Variants in TSHZ2 observed in about 807,000 individuals in gnomAD.
The protein encoded by TSHZ2 is teashirt zinc finger homeobox 2.
TSHZ2 carries 21 observed loss-of-function variants against 74.4 expected under a neutral mutation model. That is an observed-to-expected ratio of 0.28 (90% CI 0.20 to 0.41). The LOEUF is 0.41. Among genes scored for constraint, TSHZ2 ranks in the 10% least tolerant of loss-of-function variants. The probability of loss-of-function intolerance (pLI) is 1.00; values close to 1 mark genes in which losing one functional copy is unlikely to be tolerated. For missense variants in TSHZ2, 1,244 were observed against 1,293.5 expected (o/e 0.96, Z 0.59); for synonymous variants, 540 against 515.3 (o/e 1.05, Z -0.65).
At chr20:53,446,939 C>A (rs1984575504) in intron 2 of TSHZ2, among the ~76,000 whole-genome samples, 1 of 152,182 alleles carries the variant, frequency 6.6e-6, no homozygotes, top group Non-Finnish European at 1.5e-5. Context: ...CCTTCCTCCC[C>A]TCTAGGGCTG....
At chr20:53,264,093 C>T (rs923858537) in intron 2 of TSHZ2, among the ~76,000 whole-genome samples, 50 of 152,330 alleles carry the variant, frequency 3.3e-4, no homozygotes, top group African/African-American at 1.2e-3. Flanking sequence ...TGCCTTAGGG[C>T]ACAATACTCA....
In TSHZ2 at chr20:53,489,930, C is replaced by T. The variant is rs1600677430; in HGVS notation, c.*2795C>T. 6.6e-6 allele frequency: 1 copy of T among 152,228 alleles called. No individual in the cohort carries two copies. Among genetic ancestry groups the T allele is most frequent in the African/African-American group, 2.4e-5 (1 of 41,462 alleles). The allele number at this position is 152,228 out of a possible 1,614,324, so 9.4% of individuals were successfully genotyped here. ...AAATAACATAAACTCAGGAGAATGTCTTTACCCACCTTCATACCACTGCTT... is the reference window on the plus strand; with the variant it reads ...AAATAACATAAACTCAGGAGAATGTTTTTACCCACCTTCATACCACTGCTT... On this transcript the variant is annotated 3_prime_UTR_variant, in exon 3 of 3. Transcript: ENST00000371497.
At chr20:53,229,279 T>A (rs1047344898) in intron 1 of TSHZ2, among the ~76,000 whole-genome samples, 4 of 151,742 alleles carry the variant, frequency 2.6e-5, no homozygotes, top group African/African-American at 9.7e-5. Context: ...GTACGTCACC[T>A]TTGCCCTGGG....
chr20:53,255,928 G>A lies in TSHZ2; in HGVS notation c.2470G>A (p.Asp824Asn), dbSNP rs1423632209. 7 of 1,614,160 alleles carry A rather than the reference G, an allele frequency of 4.3e-6. No homozygotes were observed. The highest frequency in any genetic ancestry group is 3.3e-5 in the South Asian group (3 of 91,080). ...SRVPPMKLEM[D>N]VRRFEDVSSE... ...GGTCCCCCCCATGAAGCTGGAAATG[G>A]ATGTCAGGCGCTTTGAGGATGTCTC... Residue 824 changes from aspartate (D) to asparagine (N), a missense_variant, in exon 2 of 3, where the codon GAT (aspartate) becomes AAT (asparagine). Around this residue, in one of 6 missense-constraint regions of TSHZ2, gnomAD observed 562 missense variants for 544.0 expected, o/e 1.03. Transcript: ENST00000371497. The surrounding 1 kb of genome is among the most constrained non-coding windows in gnomAD (Gnocchi z 4.1).
At chr20:53,044,625 A>G (rs931315452) in intron 1 of TSHZ2, among the ~76,000 whole-genome samples, 2 of 152,186 alleles carry the variant, frequency 1.3e-5, no homozygotes, top group African/African-American at 4.8e-5. Context: ...CTGAAGTGTA[A>G]GTCACAGAGT....
intron 1 of TSHZ2, among the ~76,000 whole-genome samples, chr20:53,239,792 A>T (rs1366222713): frequency 6.6e-6 from 1 of 152,224 alleles, no homozygotes; most frequent in Non-Finnish European, 1.5e-5. Flanking sequence ...GGACTGAAGA[A>T]TATATACACC....
chr20:53,284,135 G>A (rs570344225), intron 2 of TSHZ2, among the ~76,000 whole-genome samples: 26 of 152,236 alleles, frequency 1.7e-4, no homozygotes, highest in African/African-American at 6.0e-4. Flanking sequence ...TTACCGCCTC[G>A]AACAACGTGA....
At chr20:53,338,767 T>G (rs190195802) in intron 2 of TSHZ2, among the ~76,000 whole-genome samples, 1 of 152,130 alleles carries the variant, frequency 6.6e-6, no homozygotes, top group Non-Finnish European at 1.5e-5. Flanking sequence ...CAGCTCCAAA[T>G]GTCAGGAGTA....
chr20:53,336,740 A>G (rs1255172665), intron 2 of TSHZ2, among the ~76,000 whole-genome samples: 1 of 152,202 alleles, frequency 6.6e-6, no homozygotes, highest in Middle Eastern at 3.2e-3. Context: ...ACTTTAACAG[A>G]GAAGGCACAG....
chr20:53,412,927 GCTCCCTGGCAGGCCTCGA>G (rs1185998278), intron 2 of TSHZ2: 1 of 152,258 alleles, frequency 6.6e-6, no homozygotes, highest in Non-Finnish European at 1.5e-5. Flanking sequence ...GGGCTCTCTG[GCTCCCTGGCAGGCCTCGA>G]CATCTTCTTA....
At chr20:52,977,432 AC>A (rs1981385916) in intron 1 of TSHZ2, among the ~76,000 whole-genome samples, 2 of 91,164 alleles carry the variant, frequency 2.2e-5, no homozygotes, top group East Asian at 3.0e-3. Flanking sequence ...ACACACACAC[AC>A]ACACACACAC....
intron 2 of TSHZ2, among the ~76,000 whole-genome samples, chr20:53,324,348 C>T (rs1979407643): frequency 6.6e-6 from 1 of 151,992 alleles, no homozygotes; most frequent in African/African-American, 2.4e-5. Flanking sequence ...AGGCAGTTTC[C>T]TTTTCTACTT....
chr20:53,354,361 C>T (rs571905070), intron 2 of TSHZ2, among the ~76,000 whole-genome samples: 5 of 152,320 alleles, frequency 3.3e-5, no homozygotes, highest in South Asian at 4.1e-4. Flanking sequence ...TTTAGGAGAT[C>T]TTCTTGATAG....
intron 2 of TSHZ2, among the ~76,000 whole-genome samples, chr20:53,297,710 C>T (rs556333173): frequency 1.4e-4 from 21 of 152,214 alleles, no homozygotes; most frequent in Non-Finnish European, 2.9e-4. Flanking sequence ...TTAAGCAAGA[C>T]TTAACTTGTC....
Position 53,488,918 on chromosome 20 carries a change from T to C in TSHZ2, c.*1783T>C, listed in dbSNP as rs1442886255. On this transcript the variant is annotated 3_prime_UTR_variant, in exon 3 of 3. Transcript: ENST00000371497. ...ATATAATAGCAAATTGCTTTTTTTATGGCATGCATAACCTAGATGGGAAAA... is the reference window on the plus strand; with the variant it reads ...ATATAATAGCAAATTGCTTTTTTTACGGCATGCATAACCTAGATGGGAAAA... 1.6e-5 allele frequency: 7 copies of C among 444,820 alleles called. No homozygotes were observed. Among genetic ancestry groups the C allele is most frequent in the Middle Eastern group, 6.6e-4 (2 of 3,024 alleles). The allele number at this position is 444,820 out of a possible 1,614,324, so 27.6% of individuals were successfully genotyped here. A position where few individuals can be genotyped will look rare whatever the true frequency, so the allele number is the denominator to read the frequency against.
At chr20:53,120,854 T>G (rs1455752701) in intron 1 of TSHZ2, among the ~76,000 whole-genome samples, 1 of 152,244 alleles carries the variant, frequency 6.6e-6, no homozygotes, top group Non-Finnish European at 1.5e-5. Flanking sequence ...AAATAGATAC[T>G]TTTCCTCTGC....
intron 2 of TSHZ2, among the ~76,000 whole-genome samples, chr20:53,395,009 A>G (rs1021049771): frequency 6.6e-6 from 1 of 152,160 alleles, no homozygotes; most frequent in Non-Finnish European, 1.5e-5. Context: ...CAAAGCCTAG[A>G]AGCTGCGCTA....
chr20:53,313,747 A>T (rs1978882430), intron 2 of TSHZ2, among the ~76,000 whole-genome samples: 1 of 152,224 alleles, frequency 6.6e-6, no homozygotes, highest in South Asian at 2.1e-4. Context: ...CCTCTGTTCC[A>T]CAATCTAGAA....
chr20:53,268,233 T>C (rs1990758309), intron 2 of TSHZ2, among the ~76,000 whole-genome samples: 1 of 152,222 alleles, frequency 6.6e-6, no homozygotes, highest in Non-Finnish European at 1.5e-5. Flanking sequence ...CCATGCAGAA[T>C]ACGAAAGAAG....
Sources: allele counts gnomAD v4.1 joint callset (sites outside exome capture counted in the v4.1 genomes callset), GRCh38; gene constraint gnomAD v4.1.1; regional missense constraint gnomAD v4.1.1; non-coding constraint Gnocchi (gnomAD v3.1); transcripts MANE v1.5; gene names NCBI Gene and HGNC (gene_info 2026-07-23, HGNC 2026-07-21).